TRIOBP: variants seen among roughly 807,000 people sequenced by gnomAD.
TRIOBP encodes the protein TRIO and F-actin binding protein.
Under a neutral mutation model 238.8 loss-of-function variants are expected in TRIOBP, and 169 were observed. The observed-to-expected ratio is 0.71, with a 90% CI of 0.62 to 0.80. TRIOBP has a LOEUF of 0.80. Among genes scored for constraint, TRIOBP ranks in the 30% least tolerant of loss-of-function variants. The probability of loss-of-function intolerance (pLI) is 0.00; values close to 1 mark genes in which losing one functional copy is unlikely to be tolerated. For synonymous variants in TRIOBP, 1,150 were observed against 1,274.4 expected (o/e 0.90, Z 2.08); for missense variants, 2,838 against 3,122.6 (o/e 0.91, Z 2.17).
chr22:37,734,780 A>T lies in TRIOBP; in HGVS notation c.4444A>T (p.Arg1482Trp). The T allele has an allele frequency of 6.2e-7, 1 of 1,612,120 alleles. No individual in the cohort carries two copies. The highest frequency in any genetic ancestry group is 1.1e-5 in the South Asian group (1 of 91,038). The change falls in exon 9 of 24, where the codon AGG becomes TGG. Residue 1482 changes from arginine to tryptophan, a missense_variant. Physicochemically the swap from Arg to Trp is moderately radical, Grantham distance 101 (BLOSUM62 -3). Coordinates refer to ENST00000644935, the MANE Select transcript of TRIOBP (RefSeq NM_001039141.3). The part of the protein sequence containing the change: ...APEGAWGGTS[R>W]EYKESWGQPE... ...GGAGGGAGCATGGGGGGGCACTTCC[A>T]GGGAGTACAAGGAGAGCTGGGGGCA...
intron 6 of TRIOBP, 105 bp downstream of exon 6, chr22:37,716,039 CTGAG>C (rs1923500651): frequency 7.9e-7 from 1 of 1,261,560 alleles, no homozygotes; most frequent in Non-Finnish European, 1.1e-6. Context: ...CTTTGGTGGC[CTGAG>C]TGTTAATAAT....
rs1451757998 is a variant in TRIOBP at position 37,713,250 on chromosome 22, A to G, written c.295A>G (p.Thr99Ala). 1 of 1,613,766 alleles carries G rather than the reference A, an allele frequency of 6.2e-7. No homozygotes were observed. The highest frequency in any genetic ancestry group is 8.5e-7 in the Non-Finnish European group (1 of 1,179,880). The stretch of plus-strand genomic sequence containing the variant: ...AGCAGGGCTCCCAGAAGAGGGTCCC[A>G]CAGCTGCCCCCAGGAGCAGGAGCCG... ...PSAGLPEEGP[T>A]AAPRSRSREL... Residue 99 changes from threonine (T) to alanine (A), a missense_variant, in exon 5 of 24, where the codon ACA becomes GCA. By Grantham distance (58) the Thr-to-Ala change is moderately conservative (BLOSUM62 0). This residue lies in a region of TRIOBP where 535 missense variants were observed against 537.3 expected (regional missense o/e 1.00). Transcript: ENST00000644935.
intron 3 of TRIOBP, 21 bp from the exon 4 acceptor site, chr22:37,710,406 C>T: frequency 1.2e-6 from 2 of 1,612,900 alleles, no homozygotes; most frequent in Non-Finnish European, 1.7e-6. Flanking sequence ...GAGCTGTCTC[C>T]TCTCTCCAAC....
chr22:37,698,219 G>T (rs13055572), intron 2 of TRIOBP, among the ~76,000 whole-genome samples: 3 of 118,892 alleles, frequency 2.5e-5, no homozygotes, highest in Non-Finnish European at 3.4e-5. Context: ...AAAAAAAAAA[G>T]AAAGAAAGAC....
chr22:37,701,104 G>A (rs1465570580), intron 2 of TRIOBP, among the ~76,000 whole-genome samples: 2 of 152,226 alleles, frequency 1.3e-5, no homozygotes, highest in Non-Finnish European at 2.9e-5. Flanking sequence ...TGCTGGCAGA[G>A]TGCCTGGTGC....
chr22:37,748,854 G>A (rs371751766), intron 11 of TRIOBP, among the ~76,000 whole-genome samples: 9 of 152,282 alleles, frequency 5.9e-5, no homozygotes, highest in African/African-American at 9.6e-5. Context: ...CTGAGTAGCC[G>A]CTTGCCTAGT....
intron 3 of TRIOBP, 51 bp downstream of exon 3, chr22:37,701,530 G>A (rs1320939170): frequency 2.3e-6 from 3 of 1,333,162 alleles, no homozygotes; most frequent in Non-Finnish European, 3.2e-6. Context: ...GGGCATGGGT[G>A]AAGGACTGGG....
chr22:37,727,681 A>T (rs1462095079), intron 7 of TRIOBP, among the ~76,000 whole-genome samples: 4 of 152,086 alleles, frequency 2.6e-5, no homozygotes, highest in Non-Finnish European at 4.4e-5. Flanking sequence ...ATAAAAATAA[A>T]ATAAAAATGT....
At position 37,710,416 on chromosome 22, in the gene TRIOBP, C is replaced by G; in HGVS notation, c.115-11C>G. The G allele has an allele frequency of 6.2e-7, 1 of 1,613,276 alleles. No homozygotes were observed. The highest frequency in any genetic ancestry group is 8.5e-7 in the Non-Finnish European group (1 of 1,180,014). The stretch of plus-strand genomic sequence containing the variant: ...GCGCTGAGCTGTCTCCTCTCTCCAA[C>G]CCTGGCCCAGGAGCTCAGGAGCCCT... On this transcript the variant is annotated splice_polypyrimidine_tract_variant and intron_variant, in intron 3 of 23. Coordinates refer to ENST00000644935, the MANE Select transcript of TRIOBP (RefSeq NM_001039141.3).
intron 11 of TRIOBP, among the ~76,000 whole-genome samples, chr22:37,748,687 T>C (rs1241946951): frequency 3.9e-5 from 6 of 152,054 alleles, no homozygotes; most frequent in Non-Finnish European, 7.4e-5. Context: ...TAATCTAGCC[T>C]GTGAAGGATA....
chr22:37,715,955 G>C, intron 6 of TRIOBP, 21 bp downstream of exon 6: 1 of 1,611,608 alleles, frequency 6.2e-7, no homozygotes, highest in Non-Finnish European at 8.5e-7. Context: ...CTGCCAGGTT[G>C]GTTCCCATGG....
chr22:37,737,314 C>T (rs1000686784), intron 9 of TRIOBP, among the ~76,000 whole-genome samples: 10 of 152,222 alleles, frequency 6.6e-5, no homozygotes, highest in African/African-American at 2.2e-4. Context: ...GATGACAAAA[C>T]GAGTAACCAC....
chr22:37,741,323 GC>G (rs1241515753), intron 11 of TRIOBP, among the ~76,000 whole-genome samples: 4 of 152,120 alleles, frequency 2.6e-5, no homozygotes, highest in Non-Finnish European at 5.9e-5. Context: ...CCTCTCGCCA[GC>G]CCTGGGCCAA....
Position 37,725,128 on chromosome 22 carries a change from T to C in TRIOBP, c.2572T>C (p.Ser858Pro). Residue 858 changes from serine (S) to proline (P), a missense_variant, in exon 7 of 24, where the codon TCC becomes CCC. Transcript: ENST00000644935. The stretch of plus-strand genomic sequence containing the variant: ...ACAGCGGGACCGCACACAGTCCTTT[T>C]CCTTTCAACGAGACAACCCTGGAAC... ...CTQRDRTQSF[S>P]FQRDNPGTSS... 6.2e-7 allele frequency: 1 copy of C among 1,614,110 alleles called. No individual in the cohort carries two copies. Among genetic ancestry groups the C allele is most frequent in the South Asian group, 1.1e-5 (1 of 91,062 alleles).
At chr22:37,759,435 G>C (rs968343565) in intron 17 of TRIOBP, 171 bp downstream of exon 17, 3 of 1,389,458 alleles carry the variant, frequency 2.2e-6, no homozygotes, top group Non-Finnish European at 3.1e-6. Flanking sequence ...CGTGATCACT[G>C]TGCCCGTTTT....
intron 12 of TRIOBP, among the ~76,000 whole-genome samples, chr22:37,753,278 G>A (rs574710421): frequency 2.0e-5 from 3 of 147,318 alleles, no homozygotes; most frequent in Non-Finnish European, 4.5e-5. Context: ...TTTTATTTTT[G>A]TTTTTTTTTT....
At chr22:37,721,636 C>T (rs1923836547) in intron 6 of TRIOBP, among the ~76,000 whole-genome samples, 1 of 152,136 alleles carries the variant, frequency 6.6e-6, no homozygotes, top group African/African-American at 2.4e-5. Context: ...TACCACCAGG[C>T]CCTGCTAAGT....
intron 15 of TRIOBP, 53 bp from the exon 16 acceptor site, chr22:37,757,560 T>G: frequency 6.5e-7 from 1 of 1,542,712 alleles, no homozygotes. Context: ...AAGTGCTCAT[T>G]GTGGGACTGC....
intron 3 of TRIOBP, among the ~76,000 whole-genome samples, chr22:37,702,058 G>C (rs1026993516): frequency 2.0e-5 from 3 of 151,982 alleles, no homozygotes; most frequent in Non-Finnish European, 1.5e-5. Flanking sequence ...AGCCGAGATC[G>C]CGCCATTGCA....
Sources: allele counts gnomAD v4.1 joint callset (sites outside exome capture counted in the v4.1 genomes callset), GRCh38; gene constraint gnomAD v4.1.1; regional missense constraint gnomAD v4.1.1; transcripts MANE v1.5; gene names NCBI Gene and HGNC (gene_info 2026-07-23, HGNC 2026-07-21).